Variants in IMMP2L observed in about 807,000 individuals in gnomAD.
IMMP2L encodes inner mitochondrial membrane peptidase subunit 2.
A neutral mutation model predicts 19.3 loss-of-function variants in IMMP2L; 18 were observed. The observed-to-expected ratio is 0.93, with a 90% CI of 0.64 to 1.38. The LOEUF is 1.38. IMMP2L is among the 40% of genes most tolerant of loss of function. The pLI is 0.00. For missense variants in IMMP2L, 233 were observed against 218.2 expected, an observed-to-expected ratio of 1.07 and a Z score of -0.43; for synonymous variants, 76 against 73.0, an observed-to-expected ratio of 1.04 and a Z score of -0.21.
intron 5 of IMMP2L, among the ~76,000 whole-genome samples, chr7:110,862,600 C>A (rs1807562951): frequency 6.6e-6 from 1 of 151,696 alleles, no homozygotes; most frequent in Non-Finnish European, 1.5e-5. Context: ...CCTGCCTCAG[C>A]CTCCAAAGTA....
At chr7:111,510,985 AGAG>A (rs963740059) in intron 2 of IMMP2L, among the ~76,000 whole-genome samples, 1 of 151,092 alleles carries the variant, frequency 6.6e-6, no homozygotes, top group African/African-American at 2.4e-5. Context: ...GCCAGCAGAC[AGAG>A]GAGAGAGCAT....
chr7:111,409,826 G>A (rs1054413820), intron 3 of IMMP2L, among the ~76,000 whole-genome samples: 6 of 151,682 alleles, frequency 4.0e-5, no homozygotes, highest in African/African-American at 7.3e-5. Context: ...TTCAGATAGT[G>A]GACCAATGGC....
intron 3 of IMMP2L, among the ~76,000 whole-genome samples, chr7:111,089,788 AC>A (rs1052724132): frequency 1.3e-5 from 2 of 152,020 alleles, no homozygotes; most frequent in African/African-American, 2.4e-5. Context: ...ATAGAAAAAA[AC>A]ATTTGGGAAC....
At chr7:111,429,024 TA>T (rs1563180489) in intron 3 of IMMP2L, among the ~76,000 whole-genome samples, 2 of 151,944 alleles carry the variant, frequency 1.3e-5, no homozygotes, top group Non-Finnish European at 2.9e-5. Context: ...GATGGACAGA[TA>T]CATAAGTAGT....
rs557264390 is a variant in IMMP2L, at chr7:111,394,914, G to T, written c.239+92324C>A. On this transcript the variant is annotated intron_variant, in intron 3 of 5. Transcript: ENST00000405709. Reference sequence around the variant, plus strand: ...TCGACATGCAGAAATGGTGGCCATTGATCAGGTCCTTGATTGGTGTCATCG... The same window carrying T: ...TCGACATGCAGAAATGGTGGCCATTTATCAGGTCCTTGATTGGTGTCATCG... 47 of 236,972 alleles carry T rather than the reference G, an allele frequency of 2.0e-4. 1 individual carries two copies. The South Asian group carries it at 2.7e-3, about 14-fold the overall frequency. The allele number at this position is 236,972 out of a possible 1,614,324, so 14.7% of individuals were successfully genotyped here.
chr7:111,421,347 G>T (rs1219416211), intron 3 of IMMP2L, among the ~76,000 whole-genome samples: 1 of 142,690 alleles, frequency 7.0e-6, no homozygotes, highest in East Asian at 2.1e-4. Flanking sequence ...TCGGCTCACT[G>T]CAAGCTCCGC....
rs375401248 is a variant in IMMP2L at position 111,352,873 on chromosome 7, C to T, written c.239+134365G>A. 7.7e-4 allele frequency among the ~76,000 whole-genome samples: 117 copies of T among 152,280 alleles called. 1 individual carries two copies. In the Middle Eastern group the frequency reaches 0.01, roughly 13 times the overall value. ...ATGTATTCCATACTACCATTCCTGG[C>T]TTCTTCTCAACATTACTGTGAGGTC... On this transcript the variant is annotated intron_variant, in intron 3 of 5. Coordinates refer to ENST00000405709, the MANE Select transcript of IMMP2L (RefSeq NM_032549.4).
chr7:110,992,642 T>C (rs1425526213), intron 3 of IMMP2L, among the ~76,000 whole-genome samples: 1 of 151,778 alleles, frequency 6.6e-6, no homozygotes. Context: ...AAGATATTTA[T>C]ATTATGATAT....
At chr7:111,134,956 TAAAC>T (rs1802196181) in intron 3 of IMMP2L, among the ~76,000 whole-genome samples, 1 of 152,094 alleles carries the variant, frequency 6.6e-6, no homozygotes, top group Admixed American at 6.6e-5. Flanking sequence ...GGTAGCCTCT[TAAAC>T]AAAATATTTA....
chr7:111,079,088 G>A (rs1381710419), intron 3 of IMMP2L, among the ~76,000 whole-genome samples: 1 of 151,088 alleles, frequency 6.6e-6, no homozygotes, highest in African/African-American at 2.4e-5. Flanking sequence ...ATCAATACAT[G>A]TTTCATTGAA....
chr7:111,522,861 T>C (rs1846466686), intron 1 of IMMP2L, among the ~76,000 whole-genome samples: 1 of 150,312 alleles, frequency 6.7e-6, no homozygotes, highest in Non-Finnish European at 1.5e-5. Context: ...CTATTCACAA[T>C]AGCCAAGGTA....
intron 5 of IMMP2L, among the ~76,000 whole-genome samples, chr7:110,791,007 G>A (rs919122004): frequency 1.3e-5 from 2 of 151,498 alleles, no homozygotes; most frequent in Non-Finnish European, 2.9e-5. Flanking sequence ...TATTTGGCAG[G>A]TGAACCATCA....
chr7:110,990,724 G>T (rs1822366742), intron 3 of IMMP2L, among the ~76,000 whole-genome samples: 1 of 152,102 alleles, frequency 6.6e-6, no homozygotes, highest in Non-Finnish European at 1.5e-5. Flanking sequence ...TCTACTTTAA[G>T]TTAACTTACA....
chr7:110,936,932 G>C (rs2129552460), intron 4 of IMMP2L, among the ~76,000 whole-genome samples: 1 of 152,238 alleles, frequency 6.6e-6, no homozygotes, highest in Admixed American at 6.5e-5. Flanking sequence ...ATCATTCTCA[G>C]CAAACTAACA....
At chr7:110,955,051 C>T (rs1222986138) in intron 4 of IMMP2L, among the ~76,000 whole-genome samples, 16 of 151,988 alleles carry the variant, frequency 1.1e-4, no homozygotes, top group Non-Finnish European at 2.4e-4. Context: ...ACATTTTTCA[C>T]ATTTATTAAT....
At chr7:111,192,225 T>C (rs896129631) in intron 3 of IMMP2L, among the ~76,000 whole-genome samples, 1 of 152,094 alleles carries the variant, frequency 6.6e-6, no homozygotes, top group African/African-American at 2.4e-5. Context: ...CCTGAAAAGA[T>C]TATGAGATTA....
At chr7:110,741,747 T>A (rs1248515290) in intron 5 of IMMP2L, among the ~76,000 whole-genome samples, 1 of 152,226 alleles carries the variant, frequency 6.6e-6, no homozygotes, top group Non-Finnish European at 1.5e-5. Flanking sequence ...ATTATGCTAT[T>A]ATTTTATAGA....
chr7:111,233,739 G>A (rs1586951464), intron 3 of IMMP2L, among the ~76,000 whole-genome samples: 1 of 152,098 alleles, frequency 6.6e-6, no homozygotes, highest in Admixed American at 6.5e-5. Flanking sequence ...CTCAGCAACA[G>A]AAGATAATTC....
chr7:110,675,346 C>G (rs1299992458), intron 5 of IMMP2L, among the ~76,000 whole-genome samples: 3 of 152,048 alleles, frequency 2.0e-5, no homozygotes, highest in Non-Finnish European at 4.4e-5. Flanking sequence ...ACAGTAGTGG[C>G]TACATCCTTT....
Sources: gnomAD v4.1 joint callset for allele counts (sites outside exome capture counted in the v4.1 genomes callset) on GRCh38, gnomAD v4.1.1 for gene constraint, MANE v1.5 for transcripts, NCBI Gene and HGNC (gene_info 2026-07-23, HGNC 2026-07-21) for gene names.